Variants in SREBF2 observed in about 807,000 individuals in gnomAD.
SREBF2 encodes sterol regulatory element-binding protein 2.
A neutral mutation model predicts 113.1 loss-of-function variants in SREBF2; 55 were observed. The observed-to-expected ratio is 0.49, with a 90% CI of 0.39 to 0.61. SREBF2 has a LOEUF of 0.61. Ranked by LOEUF, SREBF2 falls within the 20% of genes least tolerant of loss-of-function variation. The probability of loss-of-function intolerance (pLI) is 0.00; values close to 1 mark genes in which losing one functional copy is unlikely to be tolerated. For missense variants in SREBF2, 1,349 were observed against 1,487.4 expected, an observed-to-expected ratio of 0.91 and a Z score of 1.53; for synonymous variants, 593 against 605.7, an observed-to-expected ratio of 0.98 and a Z score of 0.31.
intron 15 of SREBF2, chr22:41,899,987 C>T (rs554438287): frequency 7.4e-6 from 9 of 1,221,736 alleles, no homozygotes; most frequent in African/African-American, 4.7e-5. Flanking sequence ...CCTTAAAGAA[C>T]GGGTACAACA....
chr22:41,893,324 C>T, intron 12 of SREBF2, 39 bp downstream of exon 12: 1 of 1,611,246 alleles, frequency 6.2e-7, no homozygotes, highest in Non-Finnish European at 8.5e-7. Flanking sequence ...TGGAGAAAGC[C>T]ATGCAAACCG....
At chr22:41,846,158 T>TTC (rs2076874945) in intron 1 of SREBF2, among the ~76,000 whole-genome samples, 1 of 152,222 alleles carries the variant, frequency 6.6e-6, no homozygotes, top group Non-Finnish European at 1.5e-5. Context: ...CTTCAGTGTG[T>TTC]TCTTTATCAG....
chr22:41,883,078 A>G (rs1320138082), intron 10 of SREBF2, among the ~76,000 whole-genome samples: 1 of 152,226 alleles, frequency 6.6e-6, no homozygotes, highest in African/African-American at 2.4e-5. Context: ...GCCACTGCAC[A>G]TGCATGCAGA....
rs953524513 is a variant in SREBF2 at position 41,840,261 on chromosome 22, A to G, written c.88+6903A>G. Among the ~76,000 whole-genome samples, 4 of 152,254 alleles carry G rather than the reference A, an allele frequency of 2.6e-5. No individual in the cohort carries two copies. In the Middle Eastern group the frequency reaches 0.01, roughly 388 times the overall value. On this transcript the variant is annotated intron_variant, in intron 1 of 18. Transcript: ENST00000361204. ...ACGTGAGCCACCGCGCCCGGCCCAC[A>G]TGCTTAGTTTCTATGTTCCTGTAAC...
chr22:41,905,146 G>A (rs1213708869), intron 18 of SREBF2, among the ~76,000 whole-genome samples, 172 bp downstream of exon 18: 2 of 152,242 alleles, frequency 1.3e-5, no homozygotes, highest in Non-Finnish European at 2.9e-5. Context: ...CAGGGGTTGG[G>A]GTGGTCATGG....
intron 9 of SREBF2, 140 bp from the exon 10 acceptor site, chr22:41,880,576 T>C (rs2077235668): frequency 8.9e-7 from 1 of 1,125,382 alleles, no homozygotes; most frequent in African/African-American, 1.6e-5. Context: ...TACTTTCTTG[T>C]AGCTTTCTGA....
At chr22:41,855,019 TAAAA>T (rs746090034) in intron 1 of SREBF2, among the ~76,000 whole-genome samples, 1 of 138,532 alleles carries the variant, frequency 7.2e-6, no homozygotes, top group African/African-American at 2.6e-5. Context: ...TGTGCAGCAT[TAAAA>T]AAAAAAAAAA....
At position 41,884,986 on chromosome 22, in the gene SREBF2, G is replaced by T; in HGVS notation, c.2183G>T (p.Cys728Phe). The T allele has an allele frequency of 6.2e-7, 1 of 1,614,196 alleles. No homozygotes were observed. The highest frequency in any genetic ancestry group is 8.5e-7 in the Non-Finnish European group (1 of 1,180,038). Residue 728 changes from cysteine to phenylalanine, a missense_variant, in exon 11 of 19, where the codon TGT (cysteine) becomes TTT (phenylalanine). By Grantham distance (205) the Cys-to-Phe change is radical. This residue lies in a region of SREBF2 where 650 missense variants were observed against 644.1 expected (regional missense o/e 1.01). Transcript: ENST00000361204. ...LTAAMGLKTR[C>F]GGKLGFLASY... is the part of the protein sequence containing the mutation. ...GCTGCCATGGGGCTCAAGACCCGGTGTGGAGGCAAGCTGGGCTTCCTGGCC... is the reference window on the plus strand; with the variant it reads ...GCTGCCATGGGGCTCAAGACCCGGTTTGGAGGCAAGCTGGGCTTCCTGGCC...
At chr22:41,893,007 C>T in intron 11 of SREBF2, 110 bp from the exon 12 acceptor site, 1 of 1,343,186 alleles carries the variant, frequency 7.4e-7, no homozygotes, top group South Asian at 1.2e-5. Flanking sequence ...GCTGATCTTT[C>T]CCAGTCTCCC....
In SREBF2 at chr22:41,902,878, T is replaced by C; in HGVS notation, c.2908-92T>C. 3.0e-6 allele frequency: 4 copies of C among 1,352,566 alleles called. No homozygotes were observed. In the South Asian group the frequency reaches 5.0e-5, roughly 17 times the overall value. The allele number at this position is 1,352,566 out of a possible 1,614,324, so 83.8% of individuals were successfully genotyped here. A position where few individuals can be genotyped will look rare whatever the true frequency, so the allele number is the denominator to read the frequency against. ...CACTTCCTCCCAGAGCTGCTGAGTG[T>C]TGGTCTGGGGAGAGGCCTGGTAGGT... On this transcript the variant is annotated intron_variant, in intron 16 of 18. Coordinates refer to ENST00000361204, the MANE Select transcript of SREBF2 (RefSeq NM_004599.4).
Position 41,880,978 on chromosome 22 carries a change from A to G in SREBF2, c.2024A>G (p.Gln675Arg). 4 of 1,608,254 alleles carry G rather than the reference A, an allele frequency of 2.5e-6. No individual in the cohort carries two copies. The highest frequency in any genetic ancestry group is 2.2e-5 in the East Asian group (1 of 44,886). The stretch of plus-strand genomic sequence containing the variant: ...GCTCTGGCCTATCACCGGCTGCACC[A>G]GCTGCACATCACAGGTGAGGGGGCA... ...DAALAYHRLH[Q>R]LHITGKLPAG... is the part of the protein sequence containing the mutation. Residue 675 changes from glutamine (Q) to arginine (R), a missense_variant, in exon 10 of 19, where the codon CAG (glutamine) becomes CGG (arginine). Coordinates refer to ENST00000361204, the MANE Select transcript of SREBF2 (RefSeq NM_004599.4).
chr22:41,858,233 G>A (rs923192211), intron 1 of SREBF2, among the ~76,000 whole-genome samples: 2 of 152,118 alleles, frequency 1.3e-5, no homozygotes, highest in African/African-American at 2.4e-5. Context: ...TTATTTCCAT[G>A]TTCTTGTACT....
At position 41,839,956 on chromosome 22, in the gene SREBF2, CTTT is replaced by C. The variant is rs10588397; in HGVS notation, c.88+6617_88+6619del. On this transcript the variant is annotated intron_variant, in intron 1 of 18. Coordinates refer to ENST00000361204, the MANE Select transcript of SREBF2 (RefSeq NM_004599.4). Reference sequence around the variant, plus strand: ...TCCCATTTATTCACATGCTTAGTTTCTTTTTTTTTTTTTTTTTTTTTGAGACGG... The same window carrying C: ...TCCCATTTATTCACATGCTTAGTTTCTTTTTTTTTTTTTTTTTTGAGACGG... 5.1e-3 allele frequency among the ~76,000 whole-genome samples: 601 copies of C among 117,538 alleles called. 2 individuals are homozygous for C. Among genetic ancestry groups the C allele is most frequent in the Admixed American group, 0.042 (483 of 11,384 alleles). The allele number at this position is 117,538 out of a possible 152,430, so 77.1% of individuals were successfully genotyped here.
intron 15 of SREBF2, chr22:41,899,883 C>G (rs2077450177): frequency 1.9e-6 from 2 of 1,059,778 alleles, no homozygotes; most frequent in South Asian, 5.1e-5. Flanking sequence ...CTCCCCCATC[C>G]CTAGCCTCCC....
In SREBF2 at chr22:41,866,925, TAGC is replaced by T. The variant is rs1233019442; in HGVS notation, c.190_192del (p.Ser64del). Reference sequence around the variant, plus strand: ...CCTTTCCTGGCAGTGGTGGTAGTGGTAGCAGCAGCGGCAGCAGTGGCAGCAGCA... The same window carrying T: ...CCTTTCCTGGCAGTGGTGGTAGTGGTAGCAGCGGCAGCAGTGGCAGCAGCA... On this transcript the variant is annotated inframe_deletion, in exon 2 of 19. Transcript: ENST00000361204. 8 of 1,613,824 alleles carry T rather than the reference TAGC, an allele frequency of 5.0e-6. No individual in the cohort carries two copies. Among genetic ancestry groups the T allele is most frequent in the Middle Eastern group, 1.6e-4 (1 of 6,082 alleles).
chr22:41,900,262 G>A lies in SREBF2; in HGVS notation c.2739-68G>A, dbSNP rs879011629. On this transcript the variant is annotated intron_variant, in intron 15 of 18. Transcript: ENST00000361204. ...TGTGGGGCGTGGCAGTCACTGGCTT[G>A]GGCCCCTCTGCCTGTCACGCAGGTG... 1.9e-6 allele frequency: 3 copies of A among 1,578,658 alleles called. No individual in the cohort carries two copies. The African/African-American group carries it at 4.1e-5, about 21-fold the overall frequency.
chr22:41,840,747 G>A (rs1268483965), intron 1 of SREBF2, among the ~76,000 whole-genome samples: 1 of 152,150 alleles, frequency 6.6e-6, no homozygotes, highest in African/African-American at 2.4e-5. Context: ...TTGGGATCCT[G>A]TCTTTATGTT....
intron 7 of SREBF2, among the ~76,000 whole-genome samples, chr22:41,876,529 A>C (rs1235976963): frequency 6.6e-6 from 1 of 152,242 alleles, no homozygotes; most frequent in African/African-American, 2.4e-5. Flanking sequence ...AAAAGAAATG[A>C]CATGCTATAT....
intron 1 of SREBF2, among the ~76,000 whole-genome samples, chr22:41,844,432 A>G (rs2076859104): frequency 6.6e-6 from 1 of 152,208 alleles, no homozygotes; most frequent in African/African-American, 2.4e-5. Flanking sequence ...GAGCAGTCAC[A>G]GAGTGTGGTG....
Sources: gnomAD v4.1 joint callset for allele counts (sites outside exome capture counted in the v4.1 genomes callset) on GRCh38, gnomAD v4.1.1 for gene constraint, gnomAD v4.1.1 regional missense constraint, MANE v1.5 for transcripts, NCBI Gene and HGNC (gene_info 2026-07-23, HGNC 2026-07-21) for gene names.